The following PCSK5 variants were observed in gnomAD, a reference collection of about 807,000 sequenced individuals.
PCSK5 encodes the protein proprotein convertase subtilisin/kexin type 5, also known as prohormone convertase 5.
In PCSK5, 129 loss-of-function variants were observed where a neutral mutation model predicts 233.2. The observed-to-expected ratio is 0.55, with a 90% CI of 0.48 to 0.64. The LOEUF is 0.64. Ranked by LOEUF, PCSK5 falls within the 30% of genes least tolerant of loss-of-function variation. The probability of loss-of-function intolerance (pLI) is 0.00; values close to 1 mark genes in which losing one functional copy is unlikely to be tolerated. For synonymous variants in PCSK5, 825 were observed against 879.2 expected, an observed-to-expected ratio of 0.94 and a Z score of 1.09; for missense variants, 2,076 against 2,430.1, an observed-to-expected ratio of 0.85 and a Z score of 3.06.
intron 9 of PCSK5, among the ~76,000 whole-genome samples, chr9:76,117,082 A>AT (rs1832454373): frequency 6.6e-6 from 1 of 152,004 alleles, no homozygotes; most frequent in African/African-American, 2.4e-5. Context: ...TTTGAAACAA[A>AT]CTTTTTTTTT....
chr9:75,891,282 T>C lies in PCSK5; in HGVS notation c.101T>C (p.Val34Ala). The C allele has an allele frequency of 6.5e-7, 1 of 1,543,912 alleles. No individual in the cohort carries two copies. The highest frequency in any genetic ancestry group is 1.2e-5 in the South Asian group (1 of 81,038). Residue 34 changes from valine (V) to alanine (A), a missense_variant, in exon 1 of 38, where the codon GTC (valine) becomes GCC (alanine). Val to Ala is a moderately conservative substitution (Grantham distance 64, BLOSUM62 0). Coordinates refer to ENST00000674117, the MANE Select transcript of PCSK5 (RefSeq NM_001372043.1). ...GCLLPVCRTR[V>A]YTNHWAVKIA... ...CTGCTCCCCGTGTGTCGGACGCGCG[T>C]CTACACCAACCACTGGGCAGTCAAA... is the stretch of plus-strand genomic sequence containing the variant.
intron 5 of PCSK5, among the ~76,000 whole-genome samples, chr9:76,048,572 G>C (rs1829507544): frequency 6.6e-6 from 1 of 152,160 alleles, no homozygotes; most frequent in African/African-American, 2.4e-5. Context: ...AGAAGTTCTG[G>C]GTTTAAGTTC....
Position 76,149,588 on chromosome 9 carries a change from G to T in PCSK5, c.1313-7457G>T, listed in dbSNP as rs186375986. On this transcript the variant is annotated intron_variant, in intron 10 of 37. Coordinates refer to ENST00000674117, the MANE Select transcript of PCSK5 (RefSeq NM_001372043.1). ...GTTTGCTCAAGTTTTACATCAAGAA[G>T]ATCTAGGCTGGGGAACTGACATATG... 2.0e-5 allele frequency among the ~76,000 whole-genome samples: 3 copies of T among 152,302 alleles called. No homozygotes were observed. The East Asian group carries it at 5.8e-4, about 29-fold the overall frequency.
intron 24 of PCSK5, among the ~76,000 whole-genome samples, chr9:76,247,960 A>AT (rs1438111623): frequency 5.3e-5 from 8 of 152,000 alleles, no homozygotes; most frequent in South Asian, 2.1e-4. Flanking sequence ...AATTTTTTGT[A>AT]TTTTTAGTAG....
chr9:76,017,184 C>A (rs1041338422), intron 3 of PCSK5, among the ~76,000 whole-genome samples: 2 of 152,140 alleles, frequency 1.3e-5, no homozygotes, highest in African/African-American at 4.8e-5. Flanking sequence ...GCACCCCCTC[C>A]CCAGGCTCCA....
chr9:76,202,871 G>A (rs1278375200), intron 20 of PCSK5, among the ~76,000 whole-genome samples: 1 of 152,126 alleles, frequency 6.6e-6, no homozygotes, highest in African/African-American at 2.4e-5. Context: ...TTTGATGGGG[G>A]CAAAGTCTGT....
At chr9:75,926,238 G>A (rs893732018) in intron 1 of PCSK5, among the ~76,000 whole-genome samples, 34 of 150,664 alleles carry the variant, frequency 2.3e-4, no homozygotes, top group Admixed American at 1.2e-3. Flanking sequence ...TGAGATCATC[G>A]GTTATTGAGG....
intron 34 of PCSK5, among the ~76,000 whole-genome samples, chr9:76,336,779 C>T (rs1198887547): frequency 1.3e-5 from 2 of 152,122 alleles, no homozygotes; most frequent in Admixed American, 6.6e-5. Context: ...TAGGTACTAA[C>T]ATTAGTCCCA....
chr9:76,027,412 G>C (rs1299961638), intron 5 of PCSK5, among the ~76,000 whole-genome samples: 1 of 152,044 alleles, frequency 6.6e-6, no homozygotes, highest in Non-Finnish European at 1.5e-5. Context: ...ACACATGATT[G>C]AATACTGCAT....
intron 7 of PCSK5, among the ~76,000 whole-genome samples, chr9:76,081,468 TAAATAAACAAAC>T (rs990248754): frequency 1.3e-5 from 2 of 149,442 alleles, no homozygotes; most frequent in African/African-American, 5.0e-5. Context: ...AATAAATAAA[TAAATAAACAAAC>T]AAACAAATAA....
chr9:76,135,805 A>G (rs1822946916), intron 10 of PCSK5, among the ~76,000 whole-genome samples: 1 of 152,122 alleles, frequency 6.6e-6, no homozygotes, highest in African/African-American at 2.4e-5. Context: ...GACTAAGGAC[A>G]TTAACCTCCA....
intron 24 of PCSK5, among the ~76,000 whole-genome samples, chr9:76,247,847 T>A (rs373579271): frequency 6.6e-6 from 1 of 151,846 alleles, no homozygotes; most frequent in South Asian, 2.1e-4. Context: ...TGCAACGGCG[T>A]GATCTTGGCT....
At chr9:76,230,581 C>T (rs1435101399) in intron 21 of PCSK5, among the ~76,000 whole-genome samples, 1 of 152,176 alleles carries the variant, frequency 6.6e-6, no homozygotes, top group African/African-American at 2.4e-5. Context: ...CTATTAGGAG[C>T]TGGGCTGCAC....
chr9:76,287,711 A>T (rs1229417511), intron 24 of PCSK5: 1 of 154,208 alleles, frequency 6.5e-6, no homozygotes. Flanking sequence ...TGCCCGCCTC[A>T]GCCTCCCAAA....
At chr9:75,914,579 G>A (rs746114188) in intron 1 of PCSK5, among the ~76,000 whole-genome samples, 5 of 151,966 alleles carry the variant, frequency 3.3e-5, no homozygotes, top group Non-Finnish European at 5.9e-5. Context: ...ATGAAAAAAC[G>A]AAGTCCCCTT....
At chr9:76,205,536 T>G (rs555314153) in intron 20 of PCSK5, among the ~76,000 whole-genome samples, 1 of 152,304 alleles carries the variant, frequency 6.6e-6, no homozygotes, top group South Asian at 2.1e-4. Context: ...TTCTGTAATA[T>G]GTATTCTCTG....
chr9:76,218,320 G>A (rs1259383533), intron 20 of PCSK5, among the ~76,000 whole-genome samples: 2 of 152,206 alleles, frequency 1.3e-5, no homozygotes, highest in Non-Finnish European at 2.9e-5. Context: ...TGCATCTGAA[G>A]CCCAATTGCT....
intron 12 of PCSK5, among the ~76,000 whole-genome samples, chr9:76,162,288 G>A (rs1177755338): frequency 6.6e-6 from 1 of 152,162 alleles, no homozygotes. Context: ...GTTTCTTTTG[G>A]CACTCTATCC....
At chr9:76,259,456 T>TACAC (rs10592376) in intron 24 of PCSK5, among the ~76,000 whole-genome samples, 12,741 of 148,520 alleles carry the variant, frequency 0.086, 529 homozygotes, top group Middle Eastern at 0.11. Flanking sequence ...CTGTCTACAC[T>TACAC]ACACACACAC....
Sources: gnomAD v4.1 joint callset for allele counts (sites outside exome capture counted in the v4.1 genomes callset) on GRCh38, gnomAD v4.1.1 for gene constraint, MANE v1.5 for transcripts, NCBI Gene and HGNC (gene_info 2026-07-23, HGNC 2026-07-21) for gene names.